The following PABPC4L variants were observed in gnomAD, a reference collection of about 807,000 sequenced individuals.
PABPC4L encodes the protein poly(A) binding protein cytoplasmic 4 like.
For synonymous variants in PABPC4L, 169 were observed against 164.1 expected (o/e 1.03, Z -0.23); for missense variants, 452 against 451.4 (o/e 1.00, Z -0.01).
the PABPC4L span, among the ~76,000 whole-genome samples, chr4:133,996,586 T>C: frequency 8.5e-5 from 13 of 152,170 alleles, 1 homozygote; most frequent in Admixed American, 8.5e-4. Flanking sequence ...GTGCAGTCTC[T>C]TCACCTTCAT....
At chr4:133,995,259 T>C in the PABPC4L span, among the ~76,000 whole-genome samples, 4 of 152,168 alleles carry the variant, frequency 2.6e-5, no homozygotes, top group Non-Finnish European at 5.9e-5. Context: ...GTCTCTACTA[T>C]TGGGGCACTC....
At chr4:134,018,753 GA>G in the PABPC4L span, among the ~76,000 whole-genome samples, 13 of 151,794 alleles carry the variant, frequency 8.6e-5, no homozygotes, top group Non-Finnish European at 1.9e-4. Context: ...TCTATTCTAA[GA>G]AAAAATTTTC....
At chr4:134,193,509 T>C (rs138548025), downstream of PABPC4L, among the ~76,000 whole-genome samples, 4,546 of 152,104 alleles carry the variant, frequency 0.03, 109 homozygotes, top group Non-Finnish European at 0.05. Flanking sequence ...TCAGTTTTTG[T>C]AGGTTAACAT....
the PABPC4L span, among the ~76,000 whole-genome samples, chr4:134,166,543 G>A: frequency 6.6e-6 from 1 of 152,048 alleles, no homozygotes; most frequent in Non-Finnish European, 1.5e-5. Flanking sequence ...ATCCTCTTGG[G>A]CAGGTCACAC....
At chr4:134,089,958 C>T in the PABPC4L span, among the ~76,000 whole-genome samples, 1 of 151,932 alleles carries the variant, frequency 6.6e-6, no homozygotes, top group South Asian at 2.1e-4. Context: ...AGACTCATGA[C>T]AATATTGAAA....
At chr4:134,084,453 C>T in the PABPC4L span, among the ~76,000 whole-genome samples, 59 of 151,898 alleles carry the variant, frequency 3.9e-4, 1 homozygote, top group East Asian at 4.8e-3. Context: ...TTTCAAGCAT[C>T]GGAATTTTGA....
chr4:134,063,530 A>G, the PABPC4L span, among the ~76,000 whole-genome samples: 1 of 152,194 alleles, frequency 6.6e-6, no homozygotes, highest in African/African-American at 2.4e-5. Context: ...TAAAGTAACA[A>G]GATTTGAAAT....
At chr4:133,993,102 A>G in the PABPC4L span, among the ~76,000 whole-genome samples, 1 of 152,132 alleles carries the variant, frequency 6.6e-6, no homozygotes, top group African/African-American at 2.4e-5. Flanking sequence ...ATAAAACTGC[A>G]GGTTTTATGT....
the PABPC4L span, among the ~76,000 whole-genome samples, chr4:134,136,689 G>A: frequency 6.6e-6 from 1 of 151,866 alleles, no homozygotes; most frequent in Non-Finnish European, 1.5e-5. Flanking sequence ...TCCTTTATTT[G>A]TTTAAATGTT....
the PABPC4L span, among the ~76,000 whole-genome samples, chr4:133,950,853 A>G: frequency 1.3e-5 from 2 of 152,080 alleles, no homozygotes; most frequent in Admixed American, 6.5e-5. Context: ...GCTACTGAAA[A>G]CTTGTGTGAC....
chr4:133,975,386 A>G, the PABPC4L span, among the ~76,000 whole-genome samples: 1 of 152,096 alleles, frequency 6.6e-6, no homozygotes, highest in Non-Finnish European at 1.5e-5. Flanking sequence ...TTTTTGGGTG[A>G]TGAAAATTTT....
the PABPC4L span, among the ~76,000 whole-genome samples, chr4:134,154,604 T>C: frequency 2.0e-5 from 3 of 152,148 alleles, no homozygotes; most frequent in Admixed American, 6.6e-5. Context: ...AATTACTCCC[T>C]TTTAAAACTT....
At chr4:134,042,160 A>T in the PABPC4L span, among the ~76,000 whole-genome samples, 2 of 152,146 alleles carry the variant, frequency 1.3e-5, no homozygotes, top group African/African-American at 4.8e-5. Context: ...TAGTTTTTTG[A>T]TCTAAGTGTA....
the PABPC4L span, among the ~76,000 whole-genome samples, chr4:134,079,578 C>CAAAAAAAAAAAAAAAAAAAAAAA: frequency 1.1e-5 from 1 of 90,688 alleles, no homozygotes; most frequent in Non-Finnish European, 2.2e-5. Flanking sequence ...GACTTCCTCT[C>CAAAAAAAAAAAAAAAAAAAAAAA]AAAAAAAAAA....
At chr4:134,014,151 C>T in the PABPC4L span, among the ~76,000 whole-genome samples, 158 of 152,182 alleles carry the variant, frequency 1.0e-3, no homozygotes, top group Non-Finnish European at 1.8e-3. Context: ...GTCAAAAGGC[C>T]GTCTTATTCT....
chr4:134,135,780 C>T, the PABPC4L span, among the ~76,000 whole-genome samples: 4 of 151,954 alleles, frequency 2.6e-5, no homozygotes, highest in Admixed American at 6.6e-5. Flanking sequence ...TTGTAGTGGG[C>T]GGAGATAGCA....
At chr4:134,154,324 C>T in the PABPC4L span, among the ~76,000 whole-genome samples, 10 of 151,944 alleles carry the variant, frequency 6.6e-5, no homozygotes, top group Non-Finnish European at 1.0e-4. Flanking sequence ...GGCGTGGTGG[C>T]GCATGCCTGT....
the PABPC4L span, among the ~76,000 whole-genome samples, chr4:134,059,733 A>T: frequency 4.6e-5 from 7 of 152,048 alleles, no homozygotes; most frequent in East Asian, 1.4e-3. Context: ...GAAAAACAGG[A>T]GAGAAAAGAT....
At chr4:134,056,008 G>C in the PABPC4L span, among the ~76,000 whole-genome samples, 1 of 151,904 alleles carries the variant, frequency 6.6e-6, no homozygotes, top group East Asian at 1.9e-4. Flanking sequence ...ATGAGACATA[G>C]ATTGAGTTTT....
Sources: gnomAD v4.1 joint callset for allele counts (sites outside exome capture counted in the v4.1 genomes callset) on GRCh38, gnomAD v4.1.1 for gene constraint, MANE v1.5 for transcripts, NCBI Gene and HGNC (gene_info 2026-07-23, HGNC 2026-07-21) for gene names.